AGAP1: variants seen among roughly 807,000 people sequenced by gnomAD.
The protein encoded by AGAP1 is arf-GAP with GTPase, ANK repeat and PH domain-containing protein 1.
In AGAP1, 29 loss-of-function variants were observed where a neutral mutation model predicts 105.3. The observed-to-expected ratio is 0.28, with a 90% CI of 0.21 to 0.38. The LOEUF (loss-of-function observed/expected upper bound fraction) is 0.38, where lower values mean the gene tolerates loss of function less well. Ranked by LOEUF, AGAP1 falls within the 10% of genes least tolerant of loss-of-function variation. AGAP1 has a pLI of 1.00. For synonymous variants in AGAP1, 509 were observed against 485.9 expected (o/e 1.05, Z -0.63); for missense variants, 998 against 1,165.1 (o/e 0.86, Z 2.09).
intron 3 of AGAP1, among the ~76,000 whole-genome samples, chr2:235,722,645 A>T (rs775072152): frequency 6.6e-6 from 1 of 152,156 alleles, no homozygotes. Flanking sequence ...CCAGCATGAC[A>T]TCATCTTTAC....
At chr2:235,605,956 G>A (rs139870521) in intron 1 of AGAP1, among the ~76,000 whole-genome samples, 75 of 152,306 alleles carry the variant, frequency 4.9e-4, no homozygotes, top group Middle Eastern at 3.4e-3. Context: ...TGTTTGCCTG[G>A]TGAAATTACA....
chr2:235,890,969 A>G (rs986254981), intron 10 of AGAP1, among the ~76,000 whole-genome samples: 1 of 139,160 alleles, frequency 7.2e-6, no homozygotes, highest in Non-Finnish European at 1.6e-5. Context: ...CAGTTAATTC[A>G]TCTTTCTTTC....
chr2:235,967,324 C>T lies in AGAP1; in HGVS notation c.1484-1138C>T, dbSNP rs2054443581. ...CCAGCTACCCTATTTTAAATGACAC[C>T]CCCCATCACTGCCGCCTCTCCCCAG... is the stretch of plus-strand genomic sequence containing the variant. On this transcript the variant is annotated intron_variant, in intron 12 of 17. Coordinates refer to ENST00000304032, the MANE Select transcript of AGAP1 (RefSeq NM_001037131.3). This position sits in a 1 kb window ranked among gnomAD's most constrained non-coding sequence, Gnocchi z 4.7. Among the ~76,000 whole-genome samples the T allele has an allele frequency of 6.6e-6, 1 of 152,134 alleles. No homozygotes were observed. The highest frequency in any genetic ancestry group is 1.5e-5 in the Non-Finnish European group (1 of 68,028).
chr2:235,821,247 G>T lies in AGAP1; in HGVS notation c.1050+13916G>T, dbSNP rs969706432. 5.9e-5 allele frequency among the ~76,000 whole-genome samples: 9 copies of T among 152,192 alleles called. No individual in the cohort carries two copies. In the South Asian group the frequency reaches 1.9e-3, roughly 31 times the overall value. On this transcript the variant is annotated intron_variant, in intron 9 of 17. Transcript: ENST00000304032. ...AAATGGCCAATTTGAATACCCTTTA[G>T]AGATAAGTGAAAGCATAAAACATAA...
chr2:235,682,904 C>T (rs933670507), intron 1 of AGAP1, among the ~76,000 whole-genome samples: 6 of 152,084 alleles, frequency 3.9e-5, no homozygotes, highest in Admixed American at 3.9e-4. Flanking sequence ...ATCTCACCCC[C>T]TCCAACACAG....
At chr2:235,678,507 C>T (rs576533873) in intron 1 of AGAP1, among the ~76,000 whole-genome samples, 2 of 152,260 alleles carry the variant, frequency 1.3e-5, no homozygotes, top group African/African-American at 4.8e-5. Context: ...ACTGGAGGCA[C>T]CCAGACTCGG....
At chr2:235,643,625 G>A (rs1947277164) in intron 1 of AGAP1, among the ~76,000 whole-genome samples, 2 of 151,086 alleles carry the variant, frequency 1.3e-5, no homozygotes, top group Non-Finnish European at 2.9e-5. Flanking sequence ...TGCCAAGTGA[G>A]CCCCCAAACA....
rs1944717408 is a variant in AGAP1, at chr2:235,575,915, C to G, written c.163+81066C>G. Among the ~76,000 whole-genome samples the G allele has an allele frequency of 2.0e-5, 3 of 152,108 alleles. No homozygotes were observed. In the South Asian group the frequency reaches 6.2e-4, roughly 32 times the overall value. On this transcript the variant is annotated intron_variant, in intron 1 of 17. Transcript: ENST00000304032. ...ATCAGATAAGACATTCCCTTCTGTTCTGTTTTCAAAAGAAGATGATGTGAA... is the reference window on the plus strand; with the variant it reads ...ATCAGATAAGACATTCCCTTCTGTTGTGTTTTCAAAAGAAGATGATGTGAA...
chr2:235,600,014 T>A lies in AGAP1; in HGVS notation c.163+105165T>A, dbSNP rs1184313023. Among the ~76,000 whole-genome samples the A allele has an allele frequency of 2.0e-5, 3 of 152,210 alleles. No homozygotes were observed. The highest frequency in any genetic ancestry group is 7.2e-5 in the African/African-American group (3 of 41,450). ...ACTTTAAAGATGAGTAGGTGCAAAC[T>A]GCAGCCACAGTAAACTTCAGGGTGT... On this transcript the variant is annotated intron_variant, in intron 1 of 17. Transcript: ENST00000304032. The surrounding 1 kb of genome is among the most constrained non-coding windows in gnomAD (Gnocchi z 4.8).
Position 235,574,517 on chromosome 2 carries a change from C to G in AGAP1, c.163+79668C>G, listed in dbSNP as rs368793040. 1.3e-5 allele frequency among the ~76,000 whole-genome samples: 2 copies of G among 152,166 alleles called. No homozygotes were observed. Among genetic ancestry groups the G allele is most frequent in the African/African-American group, 4.8e-5 (2 of 41,428 alleles). Reference sequence around the variant, plus strand: ...TTTAATAGCTGTGATCAGATTATACCTTTAAATCTCTTTAAACACTTCCCA... The same window carrying G: ...TTTAATAGCTGTGATCAGATTATACGTTTAAATCTCTTTAAACACTTCCCA... On this transcript the variant is annotated intron_variant, in intron 1 of 17. Coordinates refer to ENST00000304032, the MANE Select transcript of AGAP1 (RefSeq NM_001037131.3). The surrounding 1 kb of genome is among the most constrained non-coding windows in gnomAD (Gnocchi z 5.0).
At chr2:235,802,158 A>G (rs1957525157) in intron 8 of AGAP1, among the ~76,000 whole-genome samples, 1 of 152,140 alleles carries the variant, frequency 6.6e-6, no homozygotes, top group Non-Finnish European at 1.5e-5. Flanking sequence ...GAGTCAACCC[A>G]TGTTCAAGGG....
In AGAP1 at chr2:235,843,783, T is replaced by C. The variant is rs1329255935; in HGVS notation, c.1050+36452T>C. On this transcript the variant is annotated intron_variant, in intron 9 of 17. Coordinates refer to ENST00000304032, the MANE Select transcript of AGAP1 (RefSeq NM_001037131.3). The surrounding 1 kb of genome is among the most constrained non-coding windows in gnomAD (Gnocchi z 5.9). The stretch of plus-strand genomic sequence containing the variant: ...TTTTCCAAGATGTCAGTGGACAGCA[T>C]AGAGCTGGGGTGCCAGTGGCCACCA... 6.6e-6 allele frequency among the ~76,000 whole-genome samples: 1 copy of C among 152,168 alleles called. No homozygotes were observed. Among genetic ancestry groups the C allele is most frequent in the African/African-American group, 2.4e-5 (1 of 41,438 alleles).
In AGAP1 at chr2:235,569,135, C is replaced by G. The variant is rs191799435; in HGVS notation, c.163+74286C>G. On this transcript the variant is annotated intron_variant, in intron 1 of 17. Coordinates refer to ENST00000304032, the MANE Select transcript of AGAP1 (RefSeq NM_001037131.3). This position sits in a 1 kb window ranked among gnomAD's most constrained non-coding sequence, Gnocchi z 5.9. ...TCAGAGACCATCCTGGCCAACATGG[C>G]GGAAACCCGTCTCTATTAAAAGTAT... is the stretch of plus-strand genomic sequence containing the variant. 1.3e-5 allele frequency among the ~76,000 whole-genome samples: 2 copies of G among 152,140 alleles called. No individual in the cohort carries two copies. Among genetic ancestry groups the G allele is most frequent in the Non-Finnish European group, 2.9e-5 (2 of 68,026 alleles).
At chr2:235,619,025 T>C (rs1946392408) in intron 1 of AGAP1, among the ~76,000 whole-genome samples, 1 of 152,074 alleles carries the variant, frequency 6.6e-6, no homozygotes, top group South Asian at 2.1e-4. Flanking sequence ...GATGGAGCCA[T>C]GAGCCAAGGA....
rs1575065212 is a variant in AGAP1 at position 235,662,346 on chromosome 2, A to C, written c.164-46833A>C. Among the ~76,000 whole-genome samples the C allele has an allele frequency of 6.6e-6, 1 of 152,156 alleles. No homozygotes were observed. Among genetic ancestry groups the C allele is most frequent in the Non-Finnish European group, 1.5e-5 (1 of 68,018 alleles). ...TGTGCAGAGCTGAGCTGATGAGGAA[A>C]GTCTTGGTATGTAACCAACCAGGTC... On this transcript the variant is annotated intron_variant, in intron 1 of 17. Coordinates refer to ENST00000304032, the MANE Select transcript of AGAP1 (RefSeq NM_001037131.3). This position sits in a 1 kb window ranked among gnomAD's most constrained non-coding sequence, Gnocchi z 4.2.
At chr2:236,039,056 G>A (rs1001936498) in intron 14 of AGAP1, among the ~76,000 whole-genome samples, 1 of 151,966 alleles carries the variant, frequency 6.6e-6, no homozygotes, top group Non-Finnish European at 1.5e-5. Flanking sequence ...GAATTCTTAC[G>A]CAAAAATCAA....
intron 1 of AGAP1, among the ~76,000 whole-genome samples, chr2:235,527,399 C>T (rs1037541740): frequency 1.3e-5 from 2 of 152,214 alleles, no homozygotes; most frequent in Non-Finnish European, 2.9e-5. Context: ...GAGACAGGGT[C>T]TCACTCTGTT....
At chr2:236,057,567 C>T (rs2058084196) in intron 16 of AGAP1, among the ~76,000 whole-genome samples, 1 of 152,120 alleles carries the variant, frequency 6.6e-6, no homozygotes, top group Non-Finnish European at 1.5e-5. Context: ...CCCTCAACCC[C>T]CGTGTTTCAC....
Position 235,639,128 on chromosome 2 carries a change from A to G in AGAP1, c.164-70051A>G, listed in dbSNP as rs1394685948. On this transcript the variant is annotated intron_variant, in intron 1 of 17. Transcript: ENST00000304032. The surrounding 1 kb of genome is among the most constrained non-coding windows in gnomAD (Gnocchi z 5.3). ...ATGGATGGAATTTGGTCAAGGCAGG[A>G]ATGAGGGTGGATGTGGGGCATGGGG... Among the ~76,000 whole-genome samples, 2 of 152,052 alleles carry G rather than the reference A, an allele frequency of 1.3e-5. No individual in the cohort carries two copies. The highest frequency in any genetic ancestry group is 2.4e-5 in the African/African-American group (1 of 41,396).
Sources: gnomAD v4.1 joint callset for allele counts (sites outside exome capture counted in the v4.1 genomes callset) on GRCh38, gnomAD v4.1.1 for gene constraint, Gnocchi (gnomAD v3.1) non-coding constraint, MANE v1.5 for transcripts, NCBI Gene and HGNC (gene_info 2026-07-23, HGNC 2026-07-21) for gene names.